Variants in CLSTN1 observed in about 807,000 individuals in gnomAD.
CLSTN1 encodes calsyntenin-1.
Under a neutral mutation model 108.3 loss-of-function variants are expected in CLSTN1, and 28 were observed. The observed-to-expected ratio is 0.26, with a 90% confidence interval of 0.19 to 0.35. CLSTN1 has a LOEUF of 0.35. Ranked by LOEUF, CLSTN1 falls within the 10% of genes least tolerant of loss-of-function variation. CLSTN1 has a pLI of 1.00. For synonymous variants in CLSTN1, 524 were observed against 534.9 expected (o/e 0.98, Z 0.28); for missense variants, 1,157 against 1,302.6 (o/e 0.89, Z 1.72).
Position 9,790,885 on chromosome 1 carries a change from G to A in CLSTN1, c.92-17491C>T, listed in dbSNP as rs1653736278. Among the ~76,000 whole-genome samples the A allele has an allele frequency of 1.3e-5, 2 of 151,112 alleles. 1 individual carries two copies. Among genetic ancestry groups the A allele is most frequent in the Admixed American group, 1.3e-4 (2 of 14,914 alleles). Reference sequence around the variant, plus strand: ...GCGGCGGCTCACGCCTGTAATCCCAGCACTTTGGGAGGCCAAGGTGAGTGG... The same window carrying A: ...GCGGCGGCTCACGCCTGTAATCCCAACACTTTGGGAGGCCAAGGTGAGTGG... On this transcript the variant is annotated intron_variant, in intron 1 of 18. Transcript: ENST00000377298.
At chr1:9,749,311 C>A in intron 7 of CLSTN1, 150 bp downstream of exon 7, 3 of 820,362 alleles carry the variant, frequency 3.7e-6, no homozygotes, top group African/African-American at 1.7e-5. Context: ...TGAAAACTAG[C>A]CAGCAAGGCA....
chr1:9,748,085 G>C (rs1031154278), intron 7 of CLSTN1, among the ~76,000 whole-genome samples: 5 of 151,756 alleles, frequency 3.3e-5, no homozygotes, highest in Non-Finnish European at 7.4e-5. Flanking sequence ...TCTCATGGTT[G>C]TTATCAGGCT....
chr1:9,744,492 C>A lies in CLSTN1; in HGVS notation c.1137G>T (p.Ser379=). Residue 379 remains serine (S), a synonymous_variant, in exon 8 of 19, where the codon TCG becomes TCT. Coordinates refer to ENST00000377298, the MANE Select transcript of CLSTN1 (RefSeq NM_001009566.3). ...QAVRIPDGVV[S]VSPKEPFTIS... ...TGGTGAACGGCTCTTTGGGGCTGAC[C>A]GACACGACGCCATCCGGGATCCTCA... 5 of 1,612,140 alleles carry A rather than the reference C, an allele frequency of 3.1e-6. No homozygotes were observed. Among genetic ancestry groups the A allele is most frequent in the Non-Finnish European group, 4.2e-6 (5 of 1,179,918 alleles).
chr1:9,731,909 AAGAG>A lies in CLSTN1; in HGVS notation c.2428-17_2428-14del. On this transcript the variant is annotated splice_polypyrimidine_tract_variant and intron_variant, in intron 16 of 18. Transcript: ENST00000377298. ...GGATTACATTCACCTATAGCAGAGA[AAGAG>A]AGGATCGCTGGAGACAGGCATCCTG... is the stretch of plus-strand genomic sequence containing the variant. 1.2e-6 allele frequency: 2 copies of A among 1,614,026 alleles called. No homozygotes were observed. Among genetic ancestry groups the A allele is most frequent in the African/African-American group, 1.3e-5 (1 of 75,028 alleles).
intron 3 of CLSTN1, 131 bp from the exon 4 acceptor site, chr1:9,755,440 C>A (rs1221797347): frequency 5.8e-6 from 4 of 692,276 alleles, no homozygotes; most frequent in Non-Finnish European, 9.5e-6. Context: ...TTGGAGGGTC[C>A]GTGGACAAAG....
intron 1 of CLSTN1, among the ~76,000 whole-genome samples, chr1:9,822,894 A>G (rs969244423): frequency 2.0e-5 from 3 of 152,186 alleles, no homozygotes. Context: ...TGACCGTCAG[A>G]AAAACAGCAC....
At chr1:9,737,641 C>G in intron 10 of CLSTN1, 87 bp from the exon 11 acceptor site, 2 of 1,151,854 alleles carry the variant, frequency 1.7e-6, no homozygotes, top group Non-Finnish European at 2.6e-6. Context: ...TTTGAAGCAA[C>G]CAACTATAAA....
rs1330043982 is a variant in CLSTN1 at position 9,737,537 on chromosome 1, T to C, written c.1537A>G (p.Asn513Asp). 7 of 1,613,970 alleles carry C rather than the reference T, an allele frequency of 4.3e-6. No individual in the cohort carries two copies. The East Asian group carries it at 1.6e-4, about 36-fold the overall frequency. The change falls in exon 11 of 19, where the codon AAT becomes GAT. Residue 513 changes from asparagine to aspartate, a missense_variant. Asn to Asp is a conservative substitution (Grantham distance 23). Transcript: ENST00000377298. ...ACWQEFSGVENDNETEPVTVA... is the reference protein window; with the variant it reads ...ACWQEFSGVEDDNETEPVTVA... ...GTCACAGGCTCAGTTTCATTGTCATTTTCAACTCCTGAAAACTCTGTGGAA... is the reference window on the plus strand; with the variant it reads ...GTCACAGGCTCAGTTTCATTGTCATCTTCAACTCCTGAAAACTCTGTGGAA...
intron 1 of CLSTN1, among the ~76,000 whole-genome samples, chr1:9,793,336 A>G (rs904066645): frequency 2.0e-5 from 3 of 151,400 alleles, no homozygotes; most frequent in African/African-American, 7.2e-5. Context: ...CTAACAGACA[A>G]GGGGAGATCA....
At chr1:9,802,482 T>G (rs1654318299) in intron 1 of CLSTN1, among the ~76,000 whole-genome samples, 1 of 152,206 alleles carries the variant, frequency 6.6e-6, no homozygotes, top group Non-Finnish European at 1.5e-5. Context: ...AATGTGACTT[T>G]GTTAACAGGA....
Position 9,751,427 on chromosome 1 carries a change from G to C in CLSTN1, c.649+46C>G, listed in dbSNP as rs139756066. On this transcript the variant is annotated intron_variant, in intron 5 of 18. Transcript: ENST00000377298. ...CTGGGGTGTAAAGTCAGTGGGGTTA[G>C]CAGGGACTGTCTACCTAGCTGAAAA... 83 of 1,586,124 alleles carry C rather than the reference G, an allele frequency of 5.2e-5. No homozygotes were observed. In the African/African-American group the frequency reaches 1.0e-3, roughly 19 times the overall value.
At chr1:9,760,418 C>T (rs1652015493) in intron 2 of CLSTN1, among the ~76,000 whole-genome samples, 2 of 152,106 alleles carry the variant, frequency 1.3e-5, no homozygotes. Flanking sequence ...CAGGGTCAGC[C>T]AGTACGCCTA....
At chr1:9,750,043 T>C (rs913708378) in intron 5 of CLSTN1, 130 bp from the exon 6 acceptor site, 4 of 721,794 alleles carry the variant, frequency 5.5e-6, no homozygotes, top group Non-Finnish European at 6.8e-6. Flanking sequence ...AACATATGCT[T>C]GGGATGCTTA....
intron 11 of CLSTN1, among the ~76,000 whole-genome samples, chr1:9,736,479 G>C (rs1315792741): frequency 1.3e-5 from 2 of 152,186 alleles, no homozygotes; most frequent in Non-Finnish European, 2.9e-5. Context: ...AAGCGAGGCA[G>C]GGAGGATAAA....
chr1:9,749,765 T>C lies in CLSTN1; in HGVS notation c.798A>G (p.Gln266=). The C allele has an allele frequency of 1.2e-6, 2 of 1,614,054 alleles. No homozygotes were observed. The highest frequency in any genetic ancestry group is 8.5e-7 in the Non-Finnish European group (1 of 1,179,980). Residue 266 remains glutamine (Q), a splice_region_variant and synonymous_variant, in exon 6 of 19, where the codon CAA becomes CAG. Transcript: ENST00000377298. ...CGCAGGGGAGAGAATGAAGCTCACCTTGCCACCCAGGGGTGCAGGTGGGCT... is the reference window on the plus strand; with the variant it reads ...CGCAGGGGAGAGAATGAAGCTCACCCTGCCACCCAGGGGTGCAGGTGGGCT... ...SIKPTCTPGW[Q]GWNNRIEYEP...
At chr1:9,816,654 CT>C (rs1163617751) in intron 1 of CLSTN1, among the ~76,000 whole-genome samples, 2 of 150,118 alleles carry the variant, frequency 1.3e-5, no homozygotes, top group Admixed American at 6.7e-5. Context: ...CAAAAGTGGT[CT>C]TTTTTTTTGA....
chr1:9,798,390 C>G (rs1423450340), intron 1 of CLSTN1, among the ~76,000 whole-genome samples: 5 of 152,026 alleles, frequency 3.3e-5, no homozygotes, highest in Admixed American at 1.3e-4. Context: ...AAACAAGGAA[C>G]CATAAAAGGA....
chr1:9,753,262 C>G (rs1378249571), intron 4 of CLSTN1, among the ~76,000 whole-genome samples: 2 of 152,108 alleles, frequency 1.3e-5, no homozygotes, highest in Non-Finnish European at 2.9e-5. Flanking sequence ...AGGTGGAGCT[C>G]GGGCAGAAAT....
chr1:9,787,190 C>A (rs1653536041), intron 1 of CLSTN1, among the ~76,000 whole-genome samples: 1 of 151,038 alleles, frequency 6.6e-6, no homozygotes, highest in Admixed American at 6.8e-5. Flanking sequence ...GAAGAAGGGG[C>A]TTCTGTTTCC....
Sources: gnomAD v4.1 joint callset for allele counts (sites outside exome capture counted in the v4.1 genomes callset) on GRCh38, gnomAD v4.1.1 for gene constraint, MANE v1.5 for transcripts, NCBI Gene and HGNC (gene_info 2026-07-23, HGNC 2026-07-21) for gene names.